MKX: variants seen among roughly 807,000 people sequenced by gnomAD.
MKX encodes homeobox protein Mohawk.
MKX carries 13 observed loss-of-function variants against 36.0 expected under a neutral mutation model. The observed-to-expected ratio is 0.36, with a 90% CI of 0.24 to 0.57. MKX has a LOEUF of 0.57. MKX is among the 20% of genes least tolerant of loss of function. The probability of loss-of-function intolerance (pLI) is 0.79; values close to 1 mark genes in which losing one functional copy is unlikely to be tolerated. For missense variants in MKX, 458 were observed against 456.4 expected (o/e 1.00, Z -0.03); for synonymous variants, 176 against 178.3 (o/e 0.99, Z 0.10).
intron 3 of MKX, 42 bp from the exon 4 acceptor site, chr10:27,735,416 T>A: frequency 6.5e-7 from 1 of 1,544,822 alleles, no homozygotes; most frequent in Non-Finnish European, 8.9e-7. Flanking sequence ...CTTAAAAACA[T>A]TATCCATGGT....
At chr10:27,743,611 G>C in intron 1 of MKX, 114 bp from the exon 2 acceptor site, 1 of 578,380 alleles carries the variant, frequency 1.7e-6, no homozygotes, top group Non-Finnish European at 2.8e-6. Flanking sequence ...GGGGAGGAGC[G>C]GCGCCGCCGC....
intron 5 of MKX, among the ~76,000 whole-genome samples, chr10:27,731,005 G>A (rs1251109310): frequency 2.6e-5 from 4 of 151,402 alleles, no homozygotes; most frequent in African/African-American, 7.3e-5. Flanking sequence ...GTGGTGGCAC[G>A]CACCTGTAAT....
intron 5 of MKX, among the ~76,000 whole-genome samples, chr10:27,694,527 A>AAAAT (rs547670335): frequency 5.2e-5 from 6 of 114,332 alleles, no homozygotes; most frequent in Non-Finnish European, 7.0e-5. Flanking sequence ...AAAAAAAAAA[A>AAAAT]ATATATATAT....
chr10:27,734,442 A>C lies in MKX; in HGVS notation c.838+14T>G. Reference sequence around the variant, plus strand: ...CAGGTATCGCAGGAATTACTACAGAAAGCACGGACTTACCTGTGCGATAGA... The same window carrying C: ...CAGGTATCGCAGGAATTACTACAGACAGCACGGACTTACCTGTGCGATAGA... On this transcript the variant is annotated intron_variant, in intron 5 of 6. Coordinates refer to ENST00000419761, the MANE Select transcript of MKX (RefSeq NM_173576.3). 1 of 1,606,122 alleles carries C rather than the reference A, an allele frequency of 6.2e-7. No homozygotes were observed.
intron 5 of MKX, among the ~76,000 whole-genome samples, chr10:27,706,516 T>C (rs1418110761): frequency 6.6e-6 from 1 of 151,510 alleles, no homozygotes; most frequent in East Asian, 1.9e-4. Flanking sequence ...TCCTGATTTT[T>C]CCCCATCCTT....
chr10:27,735,677 A>G (rs1048402236), intron 3 of MKX, among the ~76,000 whole-genome samples: 1 of 152,234 alleles, frequency 6.6e-6, no homozygotes, highest in African/African-American at 2.4e-5. Flanking sequence ...AGTATAAGAA[A>G]GAATGTGATG....
chr10:27,734,902 T>C, intron 4 of MKX, 111 bp from the exon 5 acceptor site: 1 of 629,862 alleles, frequency 1.6e-6, no homozygotes, highest in Non-Finnish European at 2.4e-6. Flanking sequence ...TTAAAGTATA[T>C]AAAATTATCT....
intron 5 of MKX, among the ~76,000 whole-genome samples, chr10:27,699,963 T>G (rs1472359263): frequency 6.6e-6 from 1 of 152,210 alleles, no homozygotes; most frequent in African/African-American, 2.4e-5. Flanking sequence ...AGACTTAACG[T>G]GACAAAGTCT....
intron 5 of MKX, among the ~76,000 whole-genome samples, chr10:27,694,341 G>T (rs143324964): frequency 6.6e-6 from 1 of 151,608 alleles, no homozygotes; most frequent in Non-Finnish European, 1.5e-5. Flanking sequence ...ATACTTTTTG[G>T]GTTTGGTTTT....
intron 5 of MKX, among the ~76,000 whole-genome samples, chr10:27,691,677 T>G (rs1212027077): frequency 2.0e-5 from 3 of 152,226 alleles, no homozygotes; most frequent in Non-Finnish European, 2.9e-5. Flanking sequence ...CAGTACCCGA[T>G]AGGCAGCTTT....
chr10:27,705,017 A>C (rs1836724172), intron 5 of MKX, among the ~76,000 whole-genome samples: 1 of 152,220 alleles, frequency 6.6e-6, no homozygotes, highest in Non-Finnish European at 1.5e-5. Flanking sequence ...AGTCCGTATC[A>C]AAAGAAATAT....
rs537383476 is a variant in MKX, at chr10:27,684,924, G to A, written c.839-9370C>T. Among the ~76,000 whole-genome samples the A allele has an allele frequency of 2.1e-4, 32 of 152,354 alleles. No individual in the cohort carries two copies. In the South Asian group the frequency reaches 6.6e-3, roughly 32 times the overall value. ...CACAATAGGGTTCACGCTCCTATGAGAATCTAATGCTGCTGTTAATATTTA... is the reference window on the plus strand; with the variant it reads ...CACAATAGGGTTCACGCTCCTATGAAAATCTAATGCTGCTGTTAATATTTA... On this transcript the variant is annotated intron_variant, in intron 5 of 6. Coordinates refer to ENST00000419761, the MANE Select transcript of MKX (RefSeq NM_173576.3).
chr10:27,675,434 GA>G lies in MKX; in HGVS notation c.873-20del. The G allele has an allele frequency of 1.2e-6, 2 of 1,614,082 alleles. No homozygotes were observed. The highest frequency in any genetic ancestry group is 1.7e-6 in the Non-Finnish European group (2 of 1,180,006). On this transcript the variant is annotated intron_variant, in intron 6 of 6. Transcript: ENST00000419761. ...AGCTGCGCTGGAGTTAAGCAAAACAGAAAGTAAACGATCAAACTCACTGCAG... is the reference window on the plus strand; with the variant it reads ...AGCTGCGCTGGAGTTAAGCAAAACAGAAGTAAACGATCAAACTCACTGCAG...
chr10:27,692,599 T>C (rs1001978346), intron 5 of MKX, among the ~76,000 whole-genome samples: 3 of 152,196 alleles, frequency 2.0e-5, no homozygotes, highest in African/African-American at 7.2e-5. Context: ...TAATCTTTCC[T>C]TTGGGAAAGG....
Position 27,743,449 on chromosome 10 carries a change from C to T in MKX, c.-34G>A. On this transcript the variant is annotated 5_prime_UTR_variant, in exon 2 of 7. Transcript: ENST00000419761. ...TTGGTAGGGACGCGCGGCGCGGCCG[C>T]AGAGCCTCGGGGCTGGGCCGCCGGG... The T allele has an allele frequency of 6.6e-7, 1 of 1,509,320 alleles. No homozygotes were observed. Among genetic ancestry groups the T allele is most frequent in the Non-Finnish European group, 8.8e-7 (1 of 1,132,854 alleles). The allele number at this position is 1,509,320 out of a possible 1,614,324, so 93.5% of individuals were successfully genotyped here.
chr10:27,738,204 GT>G (rs1834820238), intron 3 of MKX, among the ~76,000 whole-genome samples: 3 of 151,936 alleles, frequency 2.0e-5, no homozygotes, highest in Admixed American at 1.3e-4. Flanking sequence ...TTGTTCTTTT[GT>G]TTTTTCAGTA....
intron 5 of MKX, among the ~76,000 whole-genome samples, chr10:27,715,145 C>T (rs1429082352): frequency 2.6e-5 from 4 of 152,212 alleles, no homozygotes; most frequent in Non-Finnish European, 5.9e-5. Context: ...AATTGCTGTA[C>T]TTTCCTTTAT....
At chr10:27,731,982 GTATT>G (rs1834639559) in intron 5 of MKX, among the ~76,000 whole-genome samples, 1 of 62,616 alleles carries the variant, frequency 1.6e-5, no homozygotes, top group Non-Finnish European at 4.8e-5. Flanking sequence ...TAAAATTAAT[GTATT>G]TGTCATTTTT....
rs1163776493 is a variant in MKX, at chr10:27,742,535, C to A, written c.188+693G>T. Reference sequence around the variant, plus strand: ...GGCCGCCCCTCCCCGGCGGGGCGCCCGGGGAGCCGCCGGATCGGGCCAGGC... The same window carrying A: ...GGCCGCCCCTCCCCGGCGGGGCGCCAGGGGAGCCGCCGGATCGGGCCAGGC... On this transcript the variant is annotated intron_variant, in intron 2 of 6. Coordinates refer to ENST00000419761, the MANE Select transcript of MKX (RefSeq NM_173576.3). The surrounding 1 kb of genome is among the most constrained non-coding windows in gnomAD (Gnocchi z 4.2). Among the ~76,000 whole-genome samples, 1 of 151,994 alleles carries A rather than the reference C, an allele frequency of 6.6e-6. No homozygotes were observed. The highest frequency in any genetic ancestry group is 1.5e-5 in the Non-Finnish European group (1 of 67,938).
Sources: allele counts gnomAD v4.1 joint callset (sites outside exome capture counted in the v4.1 genomes callset), GRCh38; gene constraint gnomAD v4.1.1; non-coding constraint Gnocchi (gnomAD v3.1); transcripts MANE v1.5; gene names NCBI Gene and HGNC (gene_info 2026-07-23, HGNC 2026-07-21).